NASP: variants seen among roughly 807,000 people sequenced by gnomAD.
The protein encoded by NASP is NASP histone chaperone.
NASP carries 24 observed loss-of-function variants against 89.5 expected under a neutral mutation model. That is an observed-to-expected ratio of 0.27 (90% CI 0.19 to 0.38). NASP has a LOEUF of 0.38. Ranked by LOEUF, NASP falls within the 10% of genes least tolerant of loss-of-function variation. NASP has a pLI of 1.00. For synonymous variants in NASP, 306 were observed against 324.7 expected (o/e 0.94, Z 0.62); for missense variants, 848 against 921.4 (o/e 0.92, Z 1.03).
chr1:45,607,169 C>T (rs1486051430), intron 5 of NASP, 152 bp from the exon 6 acceptor site: 5 of 779,832 alleles, frequency 6.4e-6, no homozygotes, highest in Non-Finnish European at 8.1e-6. Flanking sequence ...GCTCCCTTTC[C>T]TTTTCTCTAG....
chr1:45,615,746 A>G (rs1644094488), intron 11 of NASP: 3 of 367,694 alleles, frequency 8.2e-6, no homozygotes, highest in Non-Finnish European at 1.5e-5. Flanking sequence ...TCCTTACCTG[A>G]ATGCTTGAGA....
chr1:45,602,505 A>G, intron 3 of NASP, 140 bp downstream of exon 3: 2 of 787,698 alleles, frequency 2.5e-6, no homozygotes, highest in Non-Finnish European at 3.9e-6. Flanking sequence ...TTGTACCAGT[A>G]ACTATAAGTG....
At chr1:45,592,130 G>A (rs908237120) in intron 2 of NASP, among the ~76,000 whole-genome samples, 9 of 152,112 alleles carry the variant, frequency 5.9e-5, no homozygotes, top group Non-Finnish European at 1.3e-4. Context: ...GATTACAGGC[G>A]GGTGCCACTA....
chr1:45,603,245 C>CT (rs1284120151), intron 3 of NASP, among the ~76,000 whole-genome samples: 1 of 152,174 alleles, frequency 6.6e-6, no homozygotes, highest in Non-Finnish European at 1.5e-5. Context: ...AAGCAACAGG[C>CT]TTTTGGTCTA....
At chr1:45,584,477 C>T (rs1210049163) in intron 1 of NASP, among the ~76,000 whole-genome samples, 1 of 152,232 alleles carries the variant, frequency 6.6e-6, no homozygotes, top group Non-Finnish European at 1.5e-5. Flanking sequence ...CCTTCGCCTG[C>T]CCCTCTCCTT....
intron 1 of NASP, among the ~76,000 whole-genome samples, chr1:45,590,737 T>A (rs1189203979): frequency 7.1e-6 from 1 of 140,498 alleles, no homozygotes; most frequent in African/African-American, 2.6e-5. Flanking sequence ...CTCCCTGACA[T>A]TGTATTTAAA....
At position 45,607,905 on chromosome 1, in the gene NASP, C is replaced by A; in HGVS notation, c.994C>A (p.Gln332Lys). 3 of 1,614,126 alleles carry A rather than the reference C, an allele frequency of 1.9e-6. No homozygotes were observed. The highest frequency in any genetic ancestry group is 2.5e-6 in the Non-Finnish European group (3 of 1,180,024). ...CGAGGCAGGAAAGGCGGTTCTTGAA[C>A]AACTGGTAGGTCAAGAAGTACCACC... ...ENEAGKAVLE[Q>K]LVGQEVPPAE... The change falls in exon 6 of 15, where the codon CAA becomes AAA. Residue 332 changes from glutamine (Q) to lysine (K), a missense_variant. Gln to Lys is a moderately conservative substitution (Grantham distance 53, BLOSUM62 1). Coordinates refer to ENST00000350030, the MANE Select transcript of NASP (RefSeq NM_002482.4).
At position 45,586,283 on chromosome 1, in the gene NASP, T is replaced by TGG. The variant is rs5773885; in HGVS notation, c.59+2079_59+2080dup. On this transcript the variant is annotated intron_variant, in intron 1 of 14. Transcript: ENST00000350030. ...GTGTGTGTGTGTGTGTGTGTGTGTGTGGTGTGTGTGTGTGTGTGTGTGTGT... is the reference window on the plus strand; with the variant it reads ...GTGTGTGTGTGTGTGTGTGTGTGTGTGGGGTGTGTGTGTGTGTGTGTGTGTGT... Among the ~76,000 whole-genome samples the TGG allele has an allele frequency of 3.5e-5, 3 of 85,332 alleles. No individual in the cohort carries two copies. In the Admixed American group the frequency reaches 3.6e-4, roughly 10 times the overall value. The allele number at this position is 85,332 out of a possible 152,430, so 56.0% of individuals were successfully genotyped here.
chr1:45,616,576 A>G (rs753476927), intron 12 of NASP, 50 bp from the exon 13 acceptor site: 9 of 1,579,898 alleles, frequency 5.7e-6, no homozygotes, highest in Middle Eastern at 1.7e-4. Context: ...AAGCCTCAGC[A>G]TTGATCTCAT....
chr1:45,616,560 T>G, intron 12 of NASP, 66 bp from the exon 13 acceptor site: 1 of 1,561,730 alleles, frequency 6.4e-7, no homozygotes, highest in East Asian at 2.2e-5. Flanking sequence ...AACTAAAAAA[T>G]TATAAAAGCC....
At chr1:45,594,828 C>G (rs956276025) in intron 2 of NASP, 3 of 384,238 alleles carry the variant, frequency 7.8e-6, no homozygotes, top group African/African-American at 6.2e-5. Flanking sequence ...CCAGAATATT[C>G]TGATTCTGAG....
At chr1:45,586,500 C>G (rs1276490434) in intron 1 of NASP, among the ~76,000 whole-genome samples, 1 of 152,172 alleles carries the variant, frequency 6.6e-6, no homozygotes, top group Non-Finnish European at 1.5e-5. Context: ...GTTGCCCAGG[C>G]TGGTCTCCCA....
chr1:45,617,674 T>G, intron 14 of NASP, 83 bp downstream of exon 14: 6 of 1,427,020 alleles, frequency 4.2e-6, no homozygotes, highest in Non-Finnish European at 5.6e-6. Context: ...AAGTGCATGC[T>G]CCCCACCTTG....
chr1:45,584,735 G>T (rs1413613828), intron 1 of NASP, among the ~76,000 whole-genome samples: 1 of 152,010 alleles, frequency 6.6e-6, no homozygotes, highest in Non-Finnish European at 1.5e-5. Context: ...CGCTTCCCTC[G>T]CCGGCCCTGG....
Position 45,584,188 on chromosome 1 carries a change from G to C in NASP, c.42G>C (p.Glu14Asp). Residue 14 changes from glutamate (E) to aspartate (D), a missense_variant, in exon 1 of 15, where the codon GAG becomes GAC. Coordinates refer to ENST00000350030, the MANE Select transcript of NASP (RefSeq NM_002482.4). ...ESTATAAVAA[E>D]LVSADKIEDV... Reference sequence around the variant, plus strand: ...CAGCCACTGCCGCCGTCGCCGCGGAGCTGGTTTCTGCCGACAAGTAAGCGG... The same window carrying C: ...CAGCCACTGCCGCCGTCGCCGCGGACCTGGTTTCTGCCGACAAGTAAGCGG... The C allele has an allele frequency of 6.3e-7, 1 of 1,594,064 alleles. No homozygotes were observed. The highest frequency in any genetic ancestry group is 1.1e-5 in the South Asian group (1 of 87,800).
Position 45,616,671 on chromosome 1 carries a change from G to T in NASP, c.2125G>T (p.Val709Leu), listed in dbSNP as rs1333702709. 2 of 1,614,044 alleles carry T rather than the reference G, an allele frequency of 1.2e-6. No individual in the cohort carries two copies. The highest frequency in any genetic ancestry group is 1.7e-6 in the Non-Finnish European group (2 of 1,179,980). Residue 709 changes from valine to leucine, a missense_variant, in exon 13 of 15, where the codon GTG becomes TTG. Coordinates refer to ENST00000350030, the MANE Select transcript of NASP (RefSeq NM_002482.4). ...PTDGASSSNC[V>L]TDISHLVRKK... ...AGACGGTGCTTCCTCATCAAATTGT[G>T]TGACTGATATTTCCCACCTTGTCAG...
chr1:45,588,852 G>A (rs181201659), intron 1 of NASP: 40 of 244,656 alleles, frequency 1.6e-4, no homozygotes, highest in Non-Finnish European at 2.7e-4. Context: ...GGGAGGCGGA[G>A]CTTGCAGTGA....
At chr1:45,616,494 T>C in intron 12 of NASP, 101 bp downstream of exon 12, 1 of 1,510,496 alleles carries the variant, frequency 6.6e-7, no homozygotes, top group Non-Finnish European at 9.2e-7. Context: ...GAAGATTGCC[T>C]GAGGCTTGGA....
intron 1 of NASP, among the ~76,000 whole-genome samples, chr1:45,586,239 C>CGCGCGTGTGTGTGTGTGT (rs1644532749): frequency 9.1e-6 from 1 of 110,292 alleles, no homozygotes; most frequent in African/African-American, 3.9e-5. Flanking sequence ...CCTACCGTGC[C>CGCGCGTGTGTGTGTGTGT]GTGTGTGTGT....
Sources: gnomAD v4.1 joint callset for allele counts (sites outside exome capture counted in the v4.1 genomes callset) on GRCh38, gnomAD v4.1.1 for gene constraint, MANE v1.5 for transcripts, NCBI Gene and HGNC (gene_info 2026-07-23, HGNC 2026-07-21) for gene names.